Variants in NBEA observed in about 807,000 individuals in gnomAD.
NBEA encodes lysosomal-trafficking regulator 2.
Under a neutral mutation model 343.4 loss-of-function variants are expected in NBEA, and 44 were observed. The ratio of observed to expected loss-of-function variants is 0.13; its 90% confidence interval spans 0.10 to 0.16. NBEA has a LOEUF of 0.16. Among genes scored for constraint, NBEA ranks in the 10% least tolerant of loss-of-function variants. The pLI is 1.00. For missense variants in NBEA, 2,555 were observed against 3,631.3 expected (o/e 0.70, Z 7.62); for synonymous variants, 1,175 against 1,238.7 (o/e 0.95, Z 1.08).
chr13:35,090,839 C>T (rs915054023), intron 10 of NBEA, among the ~76,000 whole-genome samples: 16 of 152,094 alleles, frequency 1.1e-4, no homozygotes, highest in African/African-American at 3.9e-4. Flanking sequence ...CACTATTTCA[C>T]AGCTCTGAAA....
intron 35 of NBEA, among the ~76,000 whole-genome samples, chr13:35,306,583 C>T (rs2036908198): frequency 6.6e-6 from 1 of 151,964 alleles, no homozygotes; most frequent in African/African-American, 2.4e-5. Context: ...ATTCCCTTCC[C>T]TCCAACCCCC....
At chr13:35,262,310 G>A (rs1015488326) in intron 34 of NBEA, among the ~76,000 whole-genome samples, 25 of 152,244 alleles carry the variant, frequency 1.6e-4, no homozygotes, top group African/African-American at 4.1e-4. Context: ...TTATATGACC[G>A]AGTAATCCCA....
chr13:35,550,358 A>G lies in NBEA; in HGVS notation c.6586-119A>G, dbSNP rs76212065. The stretch of plus-strand genomic sequence containing the variant: ...AATACACAGTATCAAATTATTGACA[A>G]TGTTGTGACAGACAGTGAATTCATT... On this transcript the variant is annotated intron_variant, in intron 41 of 58. Coordinates refer to ENST00000379939, the MANE Select transcript of NBEA (RefSeq NM_001385012.1). 104 of 595,522 alleles carry G rather than the reference A, an allele frequency of 1.7e-4. 1 individual carries two copies. In the East Asian group the frequency reaches 2.9e-3, roughly 17 times the overall value. The allele number at this position is 595,522 out of a possible 1,614,324, so 36.9% of individuals were successfully genotyped here. A position where few individuals can be genotyped will look rare whatever the true frequency, so the allele number is the denominator to read the frequency against.
chr13:35,044,737 A>C (rs1245931297), intron 2 of NBEA, among the ~76,000 whole-genome samples: 1 of 150,922 alleles, frequency 6.6e-6, no homozygotes, highest in Non-Finnish European at 1.5e-5. Context: ...AATTCAAATA[A>C]ATTCTTTTGG....
chr13:35,235,214 G>C lies in NBEA; in HGVS notation c.5776+2595G>C, dbSNP rs190374879. On this transcript the variant is annotated intron_variant, in intron 34 of 58. Coordinates refer to ENST00000379939, the MANE Select transcript of NBEA (RefSeq NM_001385012.1). ...CTTTTAATTCTTTTGATTTCCTGTA[G>C]TTAGATGCTATTGAGGAGCAAGAAT... Among the ~76,000 whole-genome samples, 12 of 152,114 alleles carry C rather than the reference G, an allele frequency of 7.9e-5. No homozygotes were observed. In the East Asian group the frequency reaches 2.3e-3, roughly 29 times the overall value.
At chr13:35,012,125 A>G (rs1050582856) in intron 1 of NBEA, among the ~76,000 whole-genome samples, 1 of 152,196 alleles carries the variant, frequency 6.6e-6, no homozygotes, top group Non-Finnish European at 1.5e-5. Flanking sequence ...CTATAATAGA[A>G]TAGTACAGAC....
At chr13:35,141,499 T>A (rs1452474452) in intron 17 of NBEA, among the ~76,000 whole-genome samples, 2 of 152,126 alleles carry the variant, frequency 1.3e-5, no homozygotes, top group Non-Finnish European at 2.9e-5. Context: ...ACTTCTGACC[T>A]CGTGATCCAC....
In NBEA at chr13:35,452,099, A is replaced by G; in HGVS notation, c.6312A>G (p.Glu2104=). 6.2e-7 allele frequency: 1 copy of G among 1,611,760 alleles called. No individual in the cohort carries two copies. The highest frequency in any genetic ancestry group is 1.7e-5 in the Admixed American group (1 of 59,718). The change falls in exon 40 of 59, where the codon GAA becomes GAG. Residue 2104 remains glutamate (E), a synonymous_variant. Coordinates refer to ENST00000379939, the MANE Select transcript of NBEA (RefSeq NM_001385012.1). ...TATTTTTGTTGTGATTAGGCACGGA[A>G]GAAGATGTAGTAAAGTCAAAGAAAA... is the stretch of plus-strand genomic sequence containing the variant. The part of the protein sequence containing the change: ...LLKAAIEYGT[E]EDVVKSKKTF...
chr13:35,498,255 G>T (rs2076757401), intron 41 of NBEA, among the ~76,000 whole-genome samples: 1 of 151,908 alleles, frequency 6.6e-6, no homozygotes, highest in South Asian at 2.1e-4. Flanking sequence ...TGCTAATCTT[G>T]TTTTTTTATA....
chr13:35,596,314 C>A (rs1462439296), intron 47 of NBEA, among the ~76,000 whole-genome samples: 2 of 152,054 alleles, frequency 1.3e-5, no homozygotes, highest in Non-Finnish European at 2.9e-5. Context: ...AATTGTTTTG[C>A]TACTTGTGTG....
chr13:35,613,596 A>G (rs1307104249), intron 48 of NBEA, among the ~76,000 whole-genome samples: 1 of 148,420 alleles, frequency 6.7e-6, no homozygotes, highest in Non-Finnish European at 1.5e-5. Flanking sequence ...TGGTAATTCT[A>G]TTTTTAGTTG....
At chr13:35,259,161 T>G (rs2152796405) in intron 34 of NBEA, among the ~76,000 whole-genome samples, 1 of 152,332 alleles carries the variant, frequency 6.6e-6, no homozygotes, top group East Asian at 1.9e-4. Context: ...TTTTGTTTAT[T>G]ATCTGGTGTC....
intron 1 of NBEA, among the ~76,000 whole-genome samples, chr13:35,033,454 G>T (rs1300430423): frequency 1.3e-5 from 2 of 151,942 alleles, no homozygotes; most frequent in Non-Finnish European, 1.5e-5. Flanking sequence ...CTCCAGTTTT[G>T]TTCTTTTTGC....
intron 47 of NBEA, among the ~76,000 whole-genome samples, chr13:35,601,842 G>A (rs2082070802): frequency 6.6e-6 from 1 of 150,972 alleles, no homozygotes; most frequent in African/African-American, 2.4e-5. Flanking sequence ...CAGAATATAG[G>A]AGCAGGAAAC....
At chr13:35,059,187 TA>T (rs1455158932) in intron 8 of NBEA, among the ~76,000 whole-genome samples, 5 of 151,892 alleles carry the variant, frequency 3.3e-5, no homozygotes, top group African/African-American at 1.2e-4. Context: ...TTAATGAACA[TA>T]ATAAAGAACT....
At chr13:35,668,809 G>A (rs2085474052) in intron 58 of NBEA, among the ~76,000 whole-genome samples, 1 of 152,200 alleles carries the variant, frequency 6.6e-6, no homozygotes. Context: ...CCTGTTCTCA[G>A]GTTCCTGCCT....
At chr13:35,198,463 GTTTT>G (rs1385524793) in intron 31 of NBEA, among the ~76,000 whole-genome samples, 1 of 152,012 alleles carries the variant, frequency 6.6e-6, no homozygotes, top group Non-Finnish European at 1.5e-5. Context: ...GTTAGAATGA[GTTTT>G]TTAATTAAAA....
rs112254101 is a variant in NBEA at position 35,443,417 on chromosome 13, T to C, written c.6305-8675T>C. 7.9e-3 allele frequency among the ~76,000 whole-genome samples: 1,196 copies of C among 152,136 alleles called. 7 individuals are homozygous for C. Among genetic ancestry groups the C allele is most frequent in the Non-Finnish European group, 9.7e-3 (661 of 67,924 alleles). ...CTGGTGTCTTGGGTTTTTAATTTTA[T>C]AGTGGTATAGATAATATCTATTTTG... is the stretch of plus-strand genomic sequence containing the variant. On this transcript the variant is annotated intron_variant, in intron 39 of 58. Coordinates refer to ENST00000379939, the MANE Select transcript of NBEA (RefSeq NM_001385012.1).
rs559548680 is a variant in NBEA at position 35,474,924 on chromosome 13, T to C, written c.6585+2388T>C. ...GGGGGTGGGTGAGATGATGTTTAAA[T>C]ATTGTATTATTATTCCTTTTTAAAG... On this transcript the variant is annotated intron_variant, in intron 41 of 58. Transcript: ENST00000379939. 10 of 1,104,908 alleles carry C rather than the reference T, an allele frequency of 9.1e-6. No individual in the cohort carries two copies. In the East Asian group the frequency reaches 1.9e-4, roughly 21 times the overall value. The allele number at this position is 1,104,908 out of a possible 1,614,324, so 68.4% of individuals were successfully genotyped here.
Sources: gnomAD v4.1 joint callset for allele counts (sites outside exome capture counted in the v4.1 genomes callset) on GRCh38, gnomAD v4.1.1 for gene constraint, MANE v1.5 for transcripts, NCBI Gene and HGNC (gene_info 2026-07-23, HGNC 2026-07-21) for gene names.